Variants in CLEC16A observed in about 807,000 individuals in gnomAD.
CLEC16A encodes the protein protein CLEC16A.
In CLEC16A, 51 loss-of-function variants were observed where a neutral mutation model predicts 109.5. That is an observed-to-expected ratio of 0.47 (90% confidence interval 0.37 to 0.59). CLEC16A has a LOEUF of 0.59. Among genes scored for constraint, CLEC16A ranks in the 20% least tolerant of loss-of-function variants. The pLI, the probability that CLEC16A is intolerant of heterozygous loss-of-function variation, is 0.00. For missense variants in CLEC16A, 1,339 were observed against 1,394.0 expected, an observed-to-expected ratio of 0.96 and a Z score of 0.63; for synonymous variants, 673 against 564.2, an observed-to-expected ratio of 1.19 and a Z score of -2.73.
At chr16:11,064,696 G>A (rs2048670237) in intron 19 of CLEC16A, among the ~76,000 whole-genome samples, 2 of 152,168 alleles carry the variant, frequency 1.3e-5, no homozygotes, top group Admixed American at 1.3e-4. Context: ...AGGATCTCTT[G>A]AACCCGGGAA....
At chr16:11,030,113 A>G (rs1015912410) in intron 13 of CLEC16A, among the ~76,000 whole-genome samples, 4 of 152,324 alleles carry the variant, frequency 2.6e-5, no homozygotes, top group Admixed American at 2.6e-4. Flanking sequence ...ACCACAGTTT[A>G]TTCATTCATC....
rs570910978 is a variant in CLEC16A, at chr16:11,171,328, G to A, written c.2806+4776G>A. Among the ~76,000 whole-genome samples, 8 of 152,332 alleles carry A rather than the reference G, an allele frequency of 5.3e-5. No individual in the cohort carries two copies. In the East Asian group the frequency reaches 7.7e-4, roughly 15 times the overall value. On this transcript the variant is annotated intron_variant, in intron 23 of 23. Transcript: ENST00000409790. ...CTTCGCACGCCAGAGGCAGAGCTAT[G>A]GGTGCCCTGGAGTGGCTCTTTCAGT...
chr16:11,013,934 G>T (rs931571779), intron 11 of CLEC16A, among the ~76,000 whole-genome samples: 1 of 151,854 alleles, frequency 6.6e-6, no homozygotes, highest in African/African-American at 2.4e-5. Context: ...GTGAGACTCT[G>T]TCTCAAAAAA....
intron 11 of CLEC16A, among the ~76,000 whole-genome samples, chr16:11,006,549 G>GGC (rs2045027170): frequency 6.6e-6 from 1 of 152,210 alleles, no homozygotes; most frequent in African/African-American, 2.4e-5. Context: ...TAAGGAAAGA[G>GGC]ATGCTGACAC....
intron 10 of CLEC16A, among the ~76,000 whole-genome samples, chr16:11,000,583 GC>G (rs1278290008): frequency 1.3e-5 from 2 of 152,152 alleles, no homozygotes; most frequent in African/African-American, 4.8e-5. Flanking sequence ...TCCTAAGTGG[GC>G]TCTGATGGAT....
At chr16:11,093,225 A>C (rs535650423) in intron 19 of CLEC16A, among the ~76,000 whole-genome samples, 7 of 152,264 alleles carry the variant, frequency 4.6e-5, no homozygotes, top group Non-Finnish European at 1.0e-4. Flanking sequence ...AGAGAAGGGC[A>C]GTAGGCTTCA....
At chr16:10,989,971 G>C (rs2043905419) in intron 10 of CLEC16A, among the ~76,000 whole-genome samples, 1 of 152,194 alleles carries the variant, frequency 6.6e-6, no homozygotes, top group African/African-American at 2.4e-5. Context: ...GCCAGGATTA[G>C]AGTTCCTGAG....
chr16:11,125,564 G>A (rs914352116), intron 21 of CLEC16A, among the ~76,000 whole-genome samples: 3 of 152,192 alleles, frequency 2.0e-5, no homozygotes, highest in African/African-American at 7.2e-5. Flanking sequence ...TCCTGCACAT[G>A]TGCGGATATA....
At chr16:11,065,858 G>A (rs1274212590) in intron 19 of CLEC16A, among the ~76,000 whole-genome samples, 1 of 152,224 alleles carries the variant, frequency 6.6e-6, no homozygotes, top group Non-Finnish European at 1.5e-5. Flanking sequence ...TTGGGTGGCT[G>A]GCACACAAGT....
At chr16:11,156,529 C>G (rs1268700157) in intron 22 of CLEC16A, 2 of 1,203,622 alleles carry the variant, frequency 1.7e-6, no homozygotes, top group Non-Finnish European at 2.2e-6. Context: ...GCCTGGGAGT[C>G]TCCTGGGTGC....
rs143744054 is a variant in CLEC16A, at chr16:11,012,359, G to T, written c.1304-7834G>T. ...GCCTGTAATCCCAGCGCTTTGGGAG[G>T]CCGAGGTGGGCGGATCATGAGGTCA... On this transcript the variant is annotated intron_variant, in intron 11 of 23. Transcript: ENST00000409790. 9.2e-5 allele frequency among the ~76,000 whole-genome samples: 14 copies of T among 152,282 alleles called. No individual in the cohort carries two copies. The East Asian group carries it at 2.7e-3, about 29-fold the overall frequency.
At chr16:11,087,229 G>A (rs1192999915) in intron 19 of CLEC16A, among the ~76,000 whole-genome samples, 4 of 138,078 alleles carry the variant, frequency 2.9e-5, no homozygotes, top group Non-Finnish European at 6.2e-5. Flanking sequence ...CCCACCTGCT[G>A]CCCCCTATAG....
At chr16:11,128,607 C>T (rs1159525665) in intron 22 of CLEC16A, among the ~76,000 whole-genome samples, 6 of 152,194 alleles carry the variant, frequency 3.9e-5, no homozygotes, top group Non-Finnish European at 7.3e-5. Flanking sequence ...AAGAGGGAGG[C>T]CTCGCTGCCC....
At chr16:11,031,599 A>G (rs1265125422) in intron 13 of CLEC16A, among the ~76,000 whole-genome samples, 2 of 152,188 alleles carry the variant, frequency 1.3e-5, no homozygotes, top group Non-Finnish European at 2.9e-5. Flanking sequence ...CATTCTTCCA[A>G]CAAATATTTT....
chr16:11,130,298 C>T (rs2053117349), intron 22 of CLEC16A, among the ~76,000 whole-genome samples: 1 of 152,190 alleles, frequency 6.6e-6, no homozygotes. Context: ...AGGCCTTCTC[C>T]CTTCTCTGAA....
Position 11,078,547 on chromosome 16 carries a change from C to T in CLEC16A, c.2116+17525C>T, listed in dbSNP as rs565279716. ...TCTCTAAGTTCCAAAGTCAGTTTCT[C>T]AGGTGGAAACCACCTGCCGTCCCAG... On this transcript the variant is annotated intron_variant, in intron 19 of 23. Transcript: ENST00000409790. Among the ~76,000 whole-genome samples, 4 of 152,320 alleles carry T rather than the reference C, an allele frequency of 2.6e-5. No individual in the cohort carries two copies. In the South Asian group the frequency reaches 8.3e-4, roughly 32 times the overall value.
intron 19 of CLEC16A, among the ~76,000 whole-genome samples, chr16:11,072,153 G>A (rs2049110015): frequency 2.6e-5 from 4 of 152,194 alleles, no homozygotes; most frequent in South Asian, 2.1e-4. Context: ...ACGGGATCTC[G>A]TTCTGTCCCC....
chr16:11,106,173 A>G (rs1201328415), intron 19 of CLEC16A, among the ~76,000 whole-genome samples: 1 of 152,150 alleles, frequency 6.6e-6, no homozygotes, highest in Non-Finnish European at 1.5e-5. Flanking sequence ...TAGGAAGTCC[A>G]TTTTTCCCCA....
chr16:11,025,555 CT>C (rs2046360924), intron 13 of CLEC16A, among the ~76,000 whole-genome samples: 1 of 152,144 alleles, frequency 6.6e-6, no homozygotes, highest in African/African-American at 2.4e-5. Flanking sequence ...GTTCTGAAAC[CT>C]CCACATCAGA....
Sources: gnomAD v4.1 joint callset for allele counts (sites outside exome capture counted in the v4.1 genomes callset) on GRCh38, gnomAD v4.1.1 for gene constraint, MANE v1.5 for transcripts, NCBI Gene and HGNC (gene_info 2026-07-23, HGNC 2026-07-21) for gene names.